Variants in DOP1B observed in about 807,000 individuals in gnomAD.
DOP1B encodes the protein DOP1 leucine zipper like protein B.
In DOP1B, 174 loss-of-function variants were observed where a neutral mutation model predicts 233.5. The ratio of observed to expected loss-of-function variants is 0.75; its 90% CI spans 0.66 to 0.85. DOP1B has a LOEUF of 0.85. DOP1B is among the 40% of genes least tolerant of loss of function. The pLI is 0.00. For missense variants in DOP1B, 2,652 were observed against 2,846.6 expected, an observed-to-expected ratio of 0.93 and a Z score of 1.56; for synonymous variants, 1,190 against 1,185.6, an observed-to-expected ratio of 1.00 and a Z score of -0.08.
chr21:36,261,865 C>T, intron 24 of DOP1B: 1 of 694,786 alleles, frequency 1.4e-6, no homozygotes, highest in Non-Finnish European at 1.8e-6. Flanking sequence ...GAGCTGAGAT[C>T]ACACCACTGC....
chr21:36,221,789 G>A (rs558748371), intron 10 of DOP1B, among the ~76,000 whole-genome samples: 29 of 152,150 alleles, frequency 1.9e-4, no homozygotes, highest in Non-Finnish European at 3.5e-4. Flanking sequence ...TGTTGGCCAG[G>A]CTGGCCTCGA....
At chr21:36,252,165 A>C (rs78477261) in intron 22 of DOP1B, among the ~76,000 whole-genome samples, 4,576 of 143,318 alleles carry the variant, frequency 0.032, 113 homozygotes, top group African/African-American at 0.077. Flanking sequence ...CGACAAAGCA[A>C]GTCCCTATCT....
At chr21:36,234,381 T>G (rs1434285447) in intron 15 of DOP1B, among the ~76,000 whole-genome samples, 1 of 152,164 alleles carries the variant, frequency 6.6e-6, no homozygotes. Context: ...ATCATGAATC[T>G]TTGGAAAGGT....
intron 1 of DOP1B, among the ~76,000 whole-genome samples, chr21:36,161,388 C>T (rs921333891): frequency 9.2e-5 from 14 of 152,182 alleles, no homozygotes; most frequent in Admixed American, 5.2e-4. Context: ...CCACCCACCT[C>T]GGCCTCCCAA....
chr21:36,191,171 G>C (rs1234784827), intron 2 of DOP1B, among the ~76,000 whole-genome samples: 1 of 151,934 alleles, frequency 6.6e-6, no homozygotes, highest in Non-Finnish European at 1.5e-5. Flanking sequence ...TGCCAAATGG[G>C]AGCGGAAGAG....
chr21:36,277,448 A>T (rs2067364723), intron 28 of DOP1B, among the ~76,000 whole-genome samples: 1 of 150,386 alleles, frequency 6.6e-6, no homozygotes, highest in Admixed American at 6.7e-5. Context: ...ACGCCCAGCT[A>T]GTTTTTAGTA....
At chr21:36,282,801 C>A (rs1391755632) in intron 32 of DOP1B, among the ~76,000 whole-genome samples, 3 of 151,960 alleles carry the variant, frequency 2.0e-5, no homozygotes, top group Admixed American at 6.6e-5. Context: ...TGTGGTAAAA[C>A]CCCATCTCTA....
chr21:36,289,996 A>C (rs1367006988), intron 35 of DOP1B, among the ~76,000 whole-genome samples: 1 of 152,204 alleles, frequency 6.6e-6, no homozygotes, highest in African/African-American at 2.4e-5. Flanking sequence ...CATTTCTCCA[A>C]ATCCATACAA....
At chr21:36,259,066 T>G (rs1041493866) in intron 23 of DOP1B, among the ~76,000 whole-genome samples, 1 of 148,524 alleles carries the variant, frequency 6.7e-6, no homozygotes, top group Non-Finnish European at 1.5e-5. Context: ...CCCAGGTTCA[T>G]GCCATTCTCC....
chr21:36,289,674 G>T (rs1380934763), intron 35 of DOP1B, among the ~76,000 whole-genome samples: 1 of 152,068 alleles, frequency 6.6e-6, no homozygotes, highest in Non-Finnish European at 1.5e-5. Context: ...TTCATGACCA[G>T]CCCCAGAGGC....
intron 18 of DOP1B, among the ~76,000 whole-genome samples, chr21:36,240,653 A>T (rs1172547704): frequency 1.3e-5 from 2 of 152,228 alleles, no homozygotes; most frequent in Non-Finnish European, 2.9e-5. Flanking sequence ...TTCCAGAGGC[A>T]TCTTTAACAC....
chr21:36,233,819 T>A (rs146849170), intron 15 of DOP1B, among the ~76,000 whole-genome samples: 2 of 152,212 alleles, frequency 1.3e-5, no homozygotes, highest in East Asian at 3.9e-4. Flanking sequence ...CGGTGTCAGG[T>A]CCTGGGGGAG....
intron 5 of DOP1B, among the ~76,000 whole-genome samples, chr21:36,210,542 G>A (rs1406836360): frequency 6.6e-6 from 1 of 152,138 alleles, no homozygotes; most frequent in Non-Finnish European, 1.5e-5. Flanking sequence ...CTACTCAGGA[G>A]GCTGAGACAA....
At chr21:36,262,388 ACT>A (rs1222693907) in intron 24 of DOP1B, among the ~76,000 whole-genome samples, 2 of 152,148 alleles carry the variant, frequency 1.3e-5, no homozygotes, top group African/African-American at 4.8e-5. Flanking sequence ...GACCTGGGAC[ACT>A]CTGACTGTAG....
rs1222632410 is a variant in DOP1B at position 36,200,321 on chromosome 21, T to C, written c.321-10T>C. On this transcript the variant is annotated splice_polypyrimidine_tract_variant and intron_variant, in intron 3 of 36. Coordinates refer to ENST00000691173, the MANE Select transcript of DOP1B (RefSeq NM_001320714.2). ...ATTTCTGCCCCGCTCCCTCTCGTTC[T>C]TTCTCGAAGCTGCGGGTTATTTCCT... The C allele has an allele frequency of 2.5e-6, 4 of 1,579,678 alleles. No homozygotes were observed. The East Asian group carries it at 9.1e-5, about 36-fold the overall frequency.
chr21:36,182,458 G>C (rs1451575830), intron 2 of DOP1B, among the ~76,000 whole-genome samples: 1 of 152,098 alleles, frequency 6.6e-6, no homozygotes, highest in Non-Finnish European at 1.5e-5. Context: ...AAGGCTGCAG[G>C]GTGGCTTCTG....
At chr21:36,168,992 A>G (rs1601376919) in intron 2 of DOP1B, 1 of 749,438 alleles carries the variant, frequency 1.3e-6, no homozygotes. Flanking sequence ...TTCCTTTGCA[A>G]TTCGGTCTTT....
chr21:36,169,677 GCGTC>G (rs926501203), intron 2 of DOP1B: 11 of 890,074 alleles, frequency 1.2e-5, no homozygotes, highest in Non-Finnish European at 2.1e-5. Flanking sequence ...GGAAGTAGGC[GCGTC>G]TGGGTGTGGG....
intron 12 of DOP1B, among the ~76,000 whole-genome samples, chr21:36,226,875 G>A (rs1344145542): frequency 6.6e-6 from 1 of 152,122 alleles, no homozygotes; most frequent in Non-Finnish European, 1.5e-5. Context: ...TGGGATTATA[G>A]GCATGAGCCA....
Sources: allele counts gnomAD v4.1 joint callset (sites outside exome capture counted in the v4.1 genomes callset), GRCh38; gene constraint gnomAD v4.1.1; transcripts MANE v1.5; gene names NCBI Gene and HGNC (gene_info 2026-07-23, HGNC 2026-07-21).